The following CDC42 variants were observed in gnomAD, a reference collection of about 807,000 sequenced individuals.
CDC42 encodes cell division control protein 42 homolog.
Under a neutral mutation model 20.8 loss-of-function variants are expected in CDC42, and 1 was observed. The ratio of observed to expected loss-of-function variants is 0.05; its 90% confidence interval spans 0.02 to 0.23. The LOEUF (loss-of-function observed/expected upper bound fraction) is 0.23. Among genes scored for constraint, CDC42 ranks in the 10% least tolerant of loss-of-function variants. CDC42 has a pLI of 1.00. For synonymous variants in CDC42, 72 were observed against 84.8 expected (o/e 0.85, Z 0.83); for missense variants, 49 against 227.9 (o/e 0.21, Z 5.05).
chr1:22,063,794 C>T (rs918828813), intron 1 of CDC42, among the ~76,000 whole-genome samples: 1 of 152,126 alleles, frequency 6.6e-6, no homozygotes, highest in Non-Finnish European at 1.5e-5. Flanking sequence ...CATCATGGCT[C>T]ACTGGAACCT....
chr1:22,061,391 A>C lies in CDC42; in HGVS notation c.-51+8649A>C, dbSNP rs565174218. 5.7e-5 allele frequency among the ~76,000 whole-genome samples: 8 copies of C among 140,372 alleles called. No individual in the cohort carries two copies. The East Asian group carries it at 1.7e-3, about 31-fold the overall frequency. 92.1% of individuals were successfully genotyped at this position (140,372 alleles called of 152,430 possible). A position where few individuals can be genotyped will look rare whatever the true frequency, so the allele number is the denominator to read the frequency against. On this transcript the variant is annotated intron_variant, in intron 1 of 5. Coordinates refer to ENST00000656825, the MANE Select transcript of CDC42 (RefSeq NM_001791.4). The stretch of plus-strand genomic sequence containing the variant: ...CCACTGCACTTCAGTCTGAGTAACA[A>C]GAGCAAAACTCTGTCTCAGGAAAAA...
chr1:22,083,916 G>A (rs983481613), intron 3 of CDC42, among the ~76,000 whole-genome samples: 1 of 152,132 alleles, frequency 6.6e-6, no homozygotes, highest in Non-Finnish European at 1.5e-5. Flanking sequence ...AGTCTTTTGT[G>A]TGACTATTTT....
At chr1:22,064,464 G>A (rs1370413018) in intron 1 of CDC42, among the ~76,000 whole-genome samples, 1 of 151,708 alleles carries the variant, frequency 6.6e-6, no homozygotes, top group Admixed American at 6.6e-5. Flanking sequence ...GCTAATTTTT[G>A]TATTTTTAGT....
At position 22,093,558 on chromosome 1, in the gene CDC42, A is replaced by C. The variant is rs933795688; in HGVS notation, c.*2041A>C. On this transcript the variant is annotated 3_prime_UTR_variant, in exon 6 of 6. Coordinates refer to ENST00000656825, the MANE Select transcript of CDC42 (RefSeq NM_001791.4). ...AAACTAAGAACCCTTAAAATCAGTTAAGGTTGGTACACTGTGGCCTCATTT... is the reference window on the plus strand; with the variant it reads ...AAACTAAGAACCCTTAAAATCAGTTCAGGTTGGTACACTGTGGCCTCATTT... 1.3e-5 allele frequency among the ~76,000 whole-genome samples: 2 copies of C among 152,208 alleles called. No homozygotes were observed. Among genetic ancestry groups the C allele is most frequent in the Non-Finnish European group, 2.9e-5 (2 of 68,050 alleles).
At chr1:22,080,589 A>G (rs1356146436) in intron 2 of CDC42, among the ~76,000 whole-genome samples, 1 of 148,330 alleles carries the variant, frequency 6.7e-6, no homozygotes, top group East Asian at 2.3e-4. Context: ...TATAGATATC[A>G]TTTAATTTTA....
At chr1:22,087,118 A>G (rs956622911) in intron 5 of CDC42, among the ~76,000 whole-genome samples, 3 of 152,168 alleles carry the variant, frequency 2.0e-5, no homozygotes, top group African/African-American at 7.2e-5. Flanking sequence ...GGGTTGTGTT[A>G]AAACAAAAAC....
intron 5 of CDC42, among the ~76,000 whole-genome samples, chr1:22,088,061 C>G (rs1645678542): frequency 6.6e-6 from 1 of 152,156 alleles, no homozygotes; most frequent in South Asian, 2.1e-4. Context: ...ATTATAGAAG[C>G]AGTTATTTAA....
At chr1:22,090,327 T>C in intron 5 of CDC42, 1 of 1,088,234 alleles carries the variant, frequency 9.2e-7, no homozygotes, top group Non-Finnish European at 1.1e-6. Flanking sequence ...GCTTTAAGAA[T>C]GTCCTCTTGG....
At chr1:22,064,216 G>A (rs1645396628) in intron 1 of CDC42, 2 of 151,772 alleles carry the variant, frequency 1.3e-5, no homozygotes, top group Admixed American at 1.3e-4. Flanking sequence ...AAAAAACCTT[G>A]TGTTTTCCTA....
At chr1:22,055,418 C>G (rs2152825450) in intron 1 of CDC42, among the ~76,000 whole-genome samples, 1 of 149,726 alleles carries the variant, frequency 6.7e-6, no homozygotes, top group East Asian at 1.9e-4. Flanking sequence ...CCGTATTAAA[C>G]TTAATTTTTT....
At chr1:22,078,091 A>G (rs995414851) in intron 1 of CDC42, among the ~76,000 whole-genome samples, 3 of 152,244 alleles carry the variant, frequency 2.0e-5, no homozygotes, top group Non-Finnish European at 2.9e-5. Flanking sequence ...TAACTGAAGA[A>G]CAGCTTTCAC....
intron 1 of CDC42, among the ~76,000 whole-genome samples, chr1:22,072,319 G>C (rs1234948878): frequency 6.6e-6 from 1 of 151,798 alleles, no homozygotes; most frequent in Non-Finnish European, 1.5e-5. Context: ...GAATGGTCTC[G>C]ATCTCCTGAC....
chr1:22,071,442 C>G (rs1453200881), intron 1 of CDC42, among the ~76,000 whole-genome samples: 1 of 152,188 alleles, frequency 6.6e-6, no homozygotes, highest in South Asian at 2.1e-4. Context: ...GCAAACAAGA[C>G]AGTTTGTTAG....
intron 1 of CDC42, 29 bp downstream of exon 1, chr1:22,052,771 G>A: frequency 6.5e-6 from 1 of 152,920 alleles, no homozygotes; most frequent in Non-Finnish European, 1.5e-5. Flanking sequence ...GTTCCCCGCG[G>A]GAGCTGCCAC....
intron 1 of CDC42, among the ~76,000 whole-genome samples, chr1:22,054,721 G>T (rs1024256357): frequency 1.6e-4 from 24 of 151,730 alleles, no homozygotes; most frequent in African/African-American, 5.6e-4. Context: ...CATTGGATAG[G>T]TGTGGAACTT....
chr1:22,097,969 G>T lies in CDC42; in HGVS notation c.*6452G>T, dbSNP rs1645768100. On this transcript the variant is annotated 3_prime_UTR_variant, in exon 6 of 6. Coordinates refer to ENST00000656825, the MANE Select transcript of CDC42 (RefSeq NM_001791.4). ...GAAGTGACAGATTTTCAAGGCTAAG[G>T]TAAGTATAGCATTTTCTCAACCCTA... is the stretch of plus-strand genomic sequence containing the variant. 6.6e-6 allele frequency among the ~76,000 whole-genome samples: 1 copy of T among 152,058 alleles called. No homozygotes were observed. The highest frequency in any genetic ancestry group is 1.5e-5 in the Non-Finnish European group (1 of 68,020).
chr1:22,095,758 C>T lies in CDC42; in HGVS notation c.*4241C>T, dbSNP rs1557911771. On this transcript the variant is annotated 3_prime_UTR_variant, in exon 6 of 6. Transcript: ENST00000656825. ...ACTTGTCTCTAGCCTTCAGATTGGG[C>T]TCAGGTGGGCTTTGTGTTTGTCATT... Among the ~76,000 whole-genome samples the T allele has an allele frequency of 1.3e-5, 2 of 151,994 alleles. No homozygotes were observed. The highest frequency in any genetic ancestry group is 2.9e-5 in the Non-Finnish European group (2 of 67,988).
Position 22,100,265 on chromosome 1 carries a change from A to G in CDC42, c.*8748A>G, listed in dbSNP as rs186919689. Among the ~76,000 whole-genome samples the G allele has an allele frequency of 1.3e-5, 2 of 152,054 alleles. No homozygotes were observed. Among genetic ancestry groups the G allele is most frequent in the East Asian group, 3.9e-4 (2 of 5,162 alleles). On this transcript the variant is annotated 3_prime_UTR_variant, in exon 6 of 6. Transcript: ENST00000656825. The stretch of plus-strand genomic sequence containing the variant: ...ATGCAGTTTTTGAGTTTAAGTAGTA[A>G]ACTCCTAAACTTCAAGTCATGTTTG...
intron 3 of CDC42, among the ~76,000 whole-genome samples, chr1:22,083,843 CTTTCTTTG>C (rs1645632802): frequency 6.6e-6 from 1 of 152,110 alleles, no homozygotes; most frequent in Non-Finnish European, 1.5e-5. Context: ...CACTGATCTG[CTTTCTTTG>C]TTTCTACTGT....
Sources: allele counts gnomAD v4.1 joint callset (sites outside exome capture counted in the v4.1 genomes callset), GRCh38; gene constraint gnomAD v4.1.1; transcripts MANE v1.5; gene names NCBI Gene and HGNC (gene_info 2026-07-23, HGNC 2026-07-21).